Variants in WWOX observed in about 807,000 individuals in gnomAD.
The protein encoded by WWOX is WW domain containing oxidoreductase, also known as WW domain-containing oxidoreductase.
In WWOX, 69 loss-of-function variants were observed where a neutral mutation model predicts 46.2. The observed-to-expected ratio is 1.49, with a 90% CI of 1.23 to 1.82. The LOEUF (loss-of-function observed/expected upper bound fraction) is 1.82. WWOX is among the 40% of genes most tolerant of loss of function. The pLI is 0.00. For synonymous variants in WWOX, 359 were observed against 202.6 expected, an observed-to-expected ratio of 1.77 and a Z score of -6.56; for missense variants, 919 against 542.6, an observed-to-expected ratio of 1.69 and a Z score of -6.89.
At chr16:78,744,988 C>G (rs1456922806) in intron 8 of WWOX, among the ~76,000 whole-genome samples, 2 of 152,202 alleles carry the variant, frequency 1.3e-5, no homozygotes, top group Admixed American at 6.5e-5. Context: ...TGACTCCTGG[C>G]TTCCCCAGTC....
At chr16:78,262,110 A>AT (rs1269289520) in intron 5 of WWOX, among the ~76,000 whole-genome samples, 92 of 150,520 alleles carry the variant, frequency 6.1e-4, no homozygotes, top group African/African-American at 2.1e-3. Context: ...AAAAAAAAAA[A>AT]AAAAAAAAAG....
intron 8 of WWOX, among the ~76,000 whole-genome samples, chr16:78,906,331 T>C (rs1207807541): frequency 6.6e-6 from 1 of 152,182 alleles, no homozygotes; most frequent in Non-Finnish European, 1.5e-5. Flanking sequence ...ACTTTGTTAC[T>C]GGGCAAAGAA....
intron 8 of WWOX, chr16:79,204,259 A>C (rs1159385402): frequency 6.6e-6 from 1 of 152,124 alleles, no homozygotes; most frequent in Non-Finnish European, 1.5e-5. Context: ...AGACATCATC[A>C]ACAATACCTT....
intron 8 of WWOX, among the ~76,000 whole-genome samples, chr16:78,558,194 A>T (rs977147146): frequency 6.6e-6 from 1 of 151,866 alleles, no homozygotes; most frequent in Admixed American, 6.6e-5. Flanking sequence ...GGTCAGCTTT[A>T]TTTTCAGTGT....
intron 8 of WWOX, among the ~76,000 whole-genome samples, chr16:79,178,862 G>A (rs961616958): frequency 6.6e-6 from 1 of 152,060 alleles, no homozygotes; most frequent in East Asian, 1.9e-4. Context: ...ATATCTTGAA[G>A]TACTTCACTT....
chr16:78,471,018 C>T (rs140729653), intron 8 of WWOX, among the ~76,000 whole-genome samples: 169 of 152,362 alleles, frequency 1.1e-3, no homozygotes, highest in African/African-American at 3.9e-3. Flanking sequence ...CTTTTGCTTT[C>T]TATAAAATGG....
At chr16:78,886,114 G>A (rs1001931319) in intron 8 of WWOX, among the ~76,000 whole-genome samples, 3 of 151,424 alleles carry the variant, frequency 2.0e-5, no homozygotes, top group Non-Finnish European at 4.4e-5. Context: ...TAGTAGAGAC[G>A]GGGTGTCACC....
chr16:78,959,580 G>C (rs577654333), intron 8 of WWOX, among the ~76,000 whole-genome samples: 2 of 152,120 alleles, frequency 1.3e-5, no homozygotes, highest in South Asian at 2.1e-4. Context: ...TCTACTTCTA[G>C]GTTGTGAGAA....
rs144028076 is a variant in WWOX at position 78,775,425 on chromosome 16, T to C, written c.1056+342673T>C. On this transcript the variant is annotated intron_variant, in intron 8 of 8. Coordinates refer to ENST00000566780, the MANE Select transcript of WWOX (RefSeq NM_016373.4). ...ACTTTTACCCCAAAGTGATGTTCTT[T>C]TGTGGCTTGTCTACTCCAAGAACTG... Among the ~76,000 whole-genome samples, 320 of 152,298 alleles carry C rather than the reference T, an allele frequency of 2.1e-3. 1 individual carries two copies. Among genetic ancestry groups the C allele is most frequent in the African/African-American group, 7.3e-3 (304 of 41,560 alleles).
intron 8 of WWOX, among the ~76,000 whole-genome samples, chr16:78,929,290 C>CT (rs1396055034): frequency 3.3e-5 from 5 of 151,124 alleles, no homozygotes; most frequent in Non-Finnish European, 7.4e-5. Context: ...TAGCAGTTCT[C>CT]TTTTTTAAGA....
intron 8 of WWOX, among the ~76,000 whole-genome samples, chr16:78,732,394 G>T (rs141264353): frequency 6.6e-6 from 1 of 152,098 alleles, no homozygotes; most frequent in Non-Finnish European, 1.5e-5. Context: ...AATTGAGGCC[G>T]CCAGTCATAG....
intron 8 of WWOX, among the ~76,000 whole-genome samples, chr16:78,491,817 G>T (rs1481082702): frequency 1.3e-5 from 2 of 152,162 alleles, no homozygotes; most frequent in African/African-American, 4.8e-5. Flanking sequence ...ACTATCATTT[G>T]CAGAGGAGGG....
chr16:78,935,773 C>T (rs376791138), intron 8 of WWOX, among the ~76,000 whole-genome samples: 33 of 151,930 alleles, frequency 2.2e-4, no homozygotes, highest in African/African-American at 8.0e-4. Context: ...ATTAGCTGGG[C>T]GTGATGGCAC....
At chr16:78,814,455 C>G (rs1449186875) in intron 8 of WWOX, among the ~76,000 whole-genome samples, 2 of 151,364 alleles carry the variant, frequency 1.3e-5, no homozygotes, top group African/African-American at 4.9e-5. Flanking sequence ...ATGAAACTAC[C>G]AAGAAGCCTC....
At chr16:78,818,161 G>C (rs978718003) in intron 8 of WWOX, among the ~76,000 whole-genome samples, 12 of 152,340 alleles carry the variant, frequency 7.9e-5, no homozygotes, top group African/African-American at 2.6e-4. Context: ...CAGGAAGGAT[G>C]TGCCCTTGCA....
intron 8 of WWOX, among the ~76,000 whole-genome samples, chr16:78,752,476 C>A (rs543376682): frequency 1.3e-5 from 2 of 152,102 alleles, no homozygotes; most frequent in African/African-American, 4.8e-5. Flanking sequence ...TTAGTAGACA[C>A]GGGATTTCGC....
At chr16:79,074,088 G>C (rs6564637) in intron 8 of WWOX, among the ~76,000 whole-genome samples, 6,782 of 152,052 alleles carry the variant, frequency 0.045, 508 homozygotes, top group African/African-American at 0.16. Flanking sequence ...GAGGATGGGT[G>C]CTTTGTGGCC....
At chr16:78,347,213 T>A (rs2081108444) in intron 5 of WWOX, among the ~76,000 whole-genome samples, 1 of 113,366 alleles carries the variant, frequency 8.8e-6, no homozygotes, top group South Asian at 2.9e-4. Context: ...GCCCCCTCCA[T>A]TCTCTTTCCA....
intron 8 of WWOX, among the ~76,000 whole-genome samples, chr16:78,881,095 G>C (rs957642689): frequency 1.7e-4 from 26 of 150,364 alleles, no homozygotes; most frequent in African/African-American, 5.6e-4. Context: ...GGGCGCAAGT[G>C]ATCCTCCTAC....
Sources: allele counts gnomAD v4.1 joint callset (sites outside exome capture counted in the v4.1 genomes callset), GRCh38; gene constraint gnomAD v4.1.1; transcripts MANE v1.5; gene names NCBI Gene and HGNC (gene_info 2026-07-23, HGNC 2026-07-21).